NUP50: variants seen among roughly 807,000 people sequenced by gnomAD.
NUP50 encodes nuclear pore complex protein Nup50.
Under a neutral mutation model 36.8 loss-of-function variants are expected in NUP50, and 14 were observed. The ratio of observed to expected loss-of-function variants is 0.38; its 90% CI spans 0.25 to 0.59. The LOEUF (loss-of-function observed/expected upper bound fraction) is 0.59, where lower values mean the gene tolerates loss of function less well. Ranked by LOEUF, NUP50 falls within the 20% of genes least tolerant of loss-of-function variation. The probability of loss-of-function intolerance (pLI) is 0.63; values close to 1 mark genes in which losing one functional copy is unlikely to be tolerated. For missense variants in NUP50, 455 were observed against 564.6 expected, an observed-to-expected ratio of 0.81 and a Z score of 1.97; for synonymous variants, 195 against 210.8, an observed-to-expected ratio of 0.93 and a Z score of 0.65.
rs142844482 is a variant in NUP50 at position 45,178,764 on chromosome 22, C to T, written c.867C>T (p.Pro289=). The T allele has an allele frequency of 1.6e-4, 252 of 1,613,894 alleles. No individual in the cohort carries two copies. The African/African-American group carries it at 3.1e-3, about 20-fold the overall frequency. Reference sequence around the variant, plus strand: ...TTTTGGGCTCATTAAGCTCTGTCCCCCTGACTGGATTTTCTTTCTCCCCTG... The same window carrying T: ...TTTTGGGCTCATTAAGCTCTGTCCCTCTGACTGGATTTTCTTTCTCCCCTG... The part of the protein sequence containing the change: ...SSVLGSLSSV[P]LTGFSFSPGN... Residue 289 remains proline, a synonymous_variant, in exon 5 of 8, where the codon CCC becomes CCT. Coordinates refer to ENST00000347635, the MANE Select transcript of NUP50 (RefSeq NM_007172.4).
chr22:45,168,898 A>ATTTTTT (rs34675932), intron 2 of NUP50, among the ~76,000 whole-genome samples: 2 of 132,010 alleles, frequency 1.5e-5, no homozygotes, highest in African/African-American at 2.9e-5. Context: ...TATAAAAAAA[A>ATTTTTT]TTTTTTTTTT....
In NUP50 at chr22:45,184,725, T is replaced by G. The variant is rs536352478; in HGVS notation, c.*70T>G. On this transcript the variant is annotated 3_prime_UTR_variant, in exon 8 of 8. Transcript: ENST00000347635. ...TCCACCGCCCCTTAAAGTTAGTCAG[T>G]TTTTCTTCTCTTCTTTGACATTCTA... The G allele has an allele frequency of 2.9e-5, 33 of 1,148,910 alleles. No individual in the cohort carries two copies. Among genetic ancestry groups the G allele is most frequent in the Middle Eastern group, 5.8e-4 (2 of 3,452 alleles). The allele number at this position is 1,148,910 out of a possible 1,614,324, so 71.2% of individuals were successfully genotyped here.
In NUP50 at chr22:45,185,712, G is replaced by A. The variant is rs2074459705; in HGVS notation, c.*1057G>A. The A allele has an allele frequency of 6.6e-6, 1 of 152,138 alleles. No homozygotes were observed. Among genetic ancestry groups the A allele is most frequent in the South Asian group, 2.1e-4 (1 of 4,832 alleles). 9.4% of individuals were successfully genotyped at this position (152,138 alleles called of 1,614,324 possible). On this transcript the variant is annotated 3_prime_UTR_variant, in exon 8 of 8. Transcript: ENST00000347635. The stretch of plus-strand genomic sequence containing the variant: ...CTGAAATATCTTTACTTTTTTAAGA[G>A]TAAGATTCCATATGTCTGTCTGGAA...
intron 6 of NUP50, 41 bp downstream of exon 6, chr22:45,181,408 G>T (rs780921822): frequency 7.7e-7 from 1 of 1,305,914 alleles, no homozygotes; most frequent in Non-Finnish European, 1.1e-6. Flanking sequence ...TGTTTTGCAG[G>T]CATGGTGGCA....
In NUP50 at chr22:45,178,303, G is replaced by A. The variant is rs1476545140; in HGVS notation, c.406G>A (p.Asp136Asn). ...AGTTTCAAATCCCAAAACTAATGGG[G>A]ACAGTCAGCAGCCCTCCTCCTCTGG... is the stretch of plus-strand genomic sequence containing the variant. ...DKVSNPKTNG[D>N]SQQPSSSGLA... Residue 136 changes from aspartate (D) to asparagine (N), a missense_variant, in exon 5 of 8, where the codon GAC becomes AAC. Coordinates refer to ENST00000347635, the MANE Select transcript of NUP50 (RefSeq NM_007172.4). The A allele has an allele frequency of 7.4e-6, 12 of 1,613,900 alleles. No individual in the cohort carries two copies. Among genetic ancestry groups the A allele is most frequent in the Non-Finnish European group, 1.0e-5 (12 of 1,179,888 alleles).
intron 1 of NUP50, among the ~76,000 whole-genome samples, chr22:45,165,147 C>T (rs1178938997): frequency 3.3e-5 from 5 of 152,198 alleles, no homozygotes; most frequent in African/African-American, 4.8e-5. Context: ...TTCCAGTTTA[C>T]CTAGACTTTC....
intron 1 of NUP50, chr22:45,164,669 C>G (rs1184308645): frequency 2.0e-5 from 3 of 152,508 alleles, no homozygotes; most frequent in Non-Finnish European, 4.4e-5. Context: ...AGCGGCGACG[C>G]AGCCCCGGCT....
intron 6 of NUP50, among the ~76,000 whole-genome samples, chr22:45,182,870 T>C (rs2074399241): frequency 6.6e-6 from 1 of 151,832 alleles, no homozygotes; most frequent in Non-Finnish European, 1.5e-5. Flanking sequence ...ATGATCTGCC[T>C]GCCTCGGCCT....
rs967120727 is a variant in NUP50, at chr22:45,185,486, G to T, written c.*831G>T. 6.6e-6 allele frequency: 1 copy of T among 152,028 alleles called. No homozygotes were observed. The highest frequency in any genetic ancestry group is 1.5e-5 in the Non-Finnish European group (1 of 68,008). The allele number at this position is 152,028 out of a possible 1,614,324, so 9.4% of individuals were successfully genotyped here. A position where few individuals can be genotyped will look rare whatever the true frequency, so the allele number is the denominator to read the frequency against. On this transcript the variant is annotated 3_prime_UTR_variant, in exon 8 of 8. Coordinates refer to ENST00000347635, the MANE Select transcript of NUP50 (RefSeq NM_007172.4). ...AAATGAAAGTCAAATGAGACCATCC[G>T]AGAAAAAGATGCGCATAGGCATTTG...
chr22:45,178,704 C>T lies in NUP50; in HGVS notation c.807C>T (p.Ala269=), dbSNP rs144752419. ...CATCATCACTAGGAGCGACAAGTGC[C>T]TCATTTAATTTCGGCAAGAAAGTTG... ...TDPSSLGATS[A]SFNFGKKVDS... The change falls in exon 5 of 8, where the codon GCC becomes GCT. Residue 269 remains alanine (A), a synonymous_variant. Coordinates refer to ENST00000347635, the MANE Select transcript of NUP50 (RefSeq NM_007172.4). 2 of 1,612,668 alleles carry T rather than the reference C, an allele frequency of 1.2e-6. No homozygotes were observed. The highest frequency in any genetic ancestry group is 4.5e-5 in the East Asian group (2 of 44,890).
chr22:45,170,329 T>C (rs2074168712), intron 2 of NUP50, among the ~76,000 whole-genome samples: 2 of 144,112 alleles, frequency 1.4e-5, no homozygotes, highest in Admixed American at 1.4e-4. Context: ...TGTTTCCCCC[T>C]TCGAGGAGAA....
At chr22:45,164,849 CGT>C (rs2147658669) in intron 1 of NUP50, 1 of 153,050 alleles carries the variant, frequency 6.5e-6, no homozygotes, top group East Asian at 1.9e-4. Flanking sequence ...GGCCGCCCCT[CGT>C]CTCTCTTCTC....
chr22:45,175,277 A>G (rs965592149), intron 3 of NUP50, among the ~76,000 whole-genome samples: 6 of 152,210 alleles, frequency 3.9e-5, no homozygotes, highest in African/African-American at 1.4e-4. Context: ...GAAAAGGCCT[A>G]CTAGAAAAAC....
At chr22:45,171,155 A>G (rs1482496058) in intron 2 of NUP50, 2 of 1,192,602 alleles carry the variant, frequency 1.7e-6, no homozygotes, top group Non-Finnish European at 2.1e-6. Flanking sequence ...CAAGTTGGGC[A>G]GGACTCATCT....
intron 2 of NUP50, 24 bp from the exon 3 acceptor site, chr22:45,171,576 T>A (rs2074194812): frequency 6.3e-7 from 1 of 1,598,714 alleles, no homozygotes. Context: ...ATCTTACTGC[T>A]GCTTAATTTG....
chr22:45,180,855 AG>A (rs1006783492), intron 5 of NUP50, among the ~76,000 whole-genome samples: 19 of 150,806 alleles, frequency 1.3e-4, no homozygotes, highest in African/African-American at 4.7e-4. Flanking sequence ...AAAAAAAAAA[AG>A]TATTTTTCTA....
rs1229033684 is a variant in NUP50 at position 45,187,415 on chromosome 22, T to A, written c.*2760T>A. Reference sequence around the variant, plus strand: ...TAGATCACATTTTATATATGCTGCATGCCAAAAAAAAAAAAAAGAGAAAAC... The same window carrying A: ...TAGATCACATTTTATATATGCTGCAAGCCAAAAAAAAAAAAAAGAGAAAAC... On this transcript the variant is annotated 3_prime_UTR_variant, in exon 8 of 8. Coordinates refer to ENST00000347635, the MANE Select transcript of NUP50 (RefSeq NM_007172.4). 1 of 125,802 alleles carries A rather than the reference T, an allele frequency of 7.9e-6. No individual in the cohort carries two copies. Among genetic ancestry groups the A allele is most frequent in the African/African-American group, 3.6e-5 (1 of 27,764 alleles). The allele number at this position is 125,802 out of a possible 1,614,324, so 7.8% of individuals were successfully genotyped here. A position where few individuals can be genotyped will look rare whatever the true frequency, so the allele number is the denominator to read the frequency against.
In NUP50 at chr22:45,178,337, C is replaced by T. The variant is rs751433067; in HGVS notation, c.440C>T (p.Ser147Phe). The T allele has an allele frequency of 1.7e-5, 28 of 1,613,894 alleles. No homozygotes were observed. In the East Asian group the frequency reaches 5.8e-4, roughly 33 times the overall value. The change falls in exon 5 of 8, where the codon TCC becomes TTC. Residue 147 changes from serine (S) to phenylalanine (F), a missense_variant. Physicochemically the swap from Ser to Phe is radical, Grantham distance 155. This residue lies in a region of NUP50 where 166 missense variants were observed against 202.8 expected (regional missense o/e 0.82). Coordinates refer to ENST00000347635, the MANE Select transcript of NUP50 (RefSeq NM_007172.4). Reference protein sequence around the residue: ...SQQPSSSGLASSKACVGNAYH... With the variant: ...SQQPSSSGLAFSKACVGNAYH... ...CAGCCCTCCTCCTCTGGCCTTGCTT[C>T]CAGTAAAGCTTGTGTCGGAAATGCC... is the stretch of plus-strand genomic sequence containing the variant.
At position 45,175,988 on chromosome 22, in the gene NUP50, A is replaced by G. The variant is rs1167686785; in HGVS notation, c.248A>G (p.Lys83Arg). 3 of 1,614,030 alleles carry G rather than the reference A, an allele frequency of 1.9e-6. No homozygotes were observed. Among genetic ancestry groups the G allele is most frequent in the Non-Finnish European group, 2.5e-6 (3 of 1,180,022 alleles). ...GGATTTGGTAGTGGCGCTGGAGGGA[A>G]GCCTTTGGAAGGACTGTCGAATGGA... ...FSGFGSGAGG[K>R]PLEGLSNGNN... Residue 83 changes from lysine (K) to arginine (R), a missense_variant, in exon 4 of 8, where the codon AAG becomes AGG. Lys to Arg is a conservative substitution (Grantham distance 26). This residue lies in a region of NUP50 where 166 missense variants were observed against 202.8 expected (regional missense o/e 0.82). Transcript: ENST00000347635.
Sources: allele counts gnomAD v4.1 joint callset (sites outside exome capture counted in the v4.1 genomes callset), GRCh38; gene constraint gnomAD v4.1.1; regional missense constraint gnomAD v4.1.1; transcripts MANE v1.5; gene names NCBI Gene and HGNC (gene_info 2026-07-23, HGNC 2026-07-21).